The following LRRC4C variants were observed in gnomAD, a reference collection of about 807,000 sequenced individuals.
The protein encoded by LRRC4C is leucine-rich repeat-containing protein 4C.
In LRRC4C, 5 loss-of-function variants were observed where a neutral mutation model predicts 33.6. The observed-to-expected ratio is 0.15, with a 90% CI of 0.08 to 0.31. The LOEUF (loss-of-function observed/expected upper bound fraction) is 0.31. Ranked by LOEUF, LRRC4C falls within the 10% of genes least tolerant of loss-of-function variation. The pLI, the probability that LRRC4C is intolerant of heterozygous loss-of-function variation, is 1.00. For missense variants in LRRC4C, 560 were observed against 796.7 expected (o/e 0.70, Z 3.58); for synonymous variants, 329 against 302.0 (o/e 1.09, Z -0.93).
chr11:41,221,813 C>A (rs932443307), intron 1 of LRRC4C, among the ~76,000 whole-genome samples: 1 of 152,158 alleles, frequency 6.6e-6, no homozygotes, highest in African/African-American at 2.4e-5. Context: ...GGCATAGAGA[C>A]AAATTCCTAA....
intron 1 of LRRC4C, among the ~76,000 whole-genome samples, chr11:41,028,323 G>A (rs943458957): frequency 5.3e-4 from 81 of 151,668 alleles, no homozygotes; most frequent in Non-Finnish European, 1.8e-4. Flanking sequence ...GTCTTGAAAA[G>A]TTTGGTTTCA....
intron 1 of LRRC4C, among the ~76,000 whole-genome samples, chr11:41,419,564 G>A (rs1007414989): frequency 1.3e-5 from 2 of 151,888 alleles, no homozygotes; most frequent in Non-Finnish European, 2.9e-5. Flanking sequence ...ACAATGGTGA[G>A]AGAAACCCAG....
At chr11:40,312,528 G>T (rs1228495444) in intron 4 of LRRC4C, among the ~76,000 whole-genome samples, 1 of 151,952 alleles carries the variant, frequency 6.6e-6, no homozygotes, top group Non-Finnish European at 1.5e-5. Flanking sequence ...AAGTAGACTG[G>T]GTTAAGTAAA....
intron 2 of LRRC4C, among the ~76,000 whole-genome samples, chr11:40,662,158 C>T (rs1310463987): frequency 6.6e-6 from 1 of 152,174 alleles, no homozygotes; most frequent in Admixed American, 6.5e-5. Flanking sequence ...GCATAATGTC[C>T]TGCAAGGTCA....
intron 2 of LRRC4C, among the ~76,000 whole-genome samples, chr11:40,771,671 A>G (rs563124063): frequency 6.6e-6 from 1 of 152,242 alleles, no homozygotes; most frequent in Non-Finnish European, 1.5e-5. Context: ...ACCCAAAATT[A>G]TCTCTCTCAA....
At chr11:41,332,628 G>A (rs1951330841) in intron 1 of LRRC4C, among the ~76,000 whole-genome samples, 1 of 152,156 alleles carries the variant, frequency 6.6e-6, no homozygotes, top group Admixed American at 6.5e-5. Flanking sequence ...GTAGTAAAAA[G>A]TCTATTAATA....
At chr11:40,811,440 G>A (rs971154082) in intron 2 of LRRC4C, among the ~76,000 whole-genome samples, 2 of 152,070 alleles carry the variant, frequency 1.3e-5, no homozygotes, top group African/African-American at 4.8e-5. Flanking sequence ...TAAGAGCCTG[G>A]TACAGTGCAT....
intron 3 of LRRC4C, among the ~76,000 whole-genome samples, chr11:40,549,086 G>A (rs1957038404): frequency 6.6e-6 from 1 of 152,036 alleles, no homozygotes; most frequent in African/African-American, 2.4e-5. Context: ...ATGGCTAAAT[G>A]GCTAAAACAG....
chr11:40,115,092 C>T lies in LRRC4C; in HGVS notation c.1201G>A (p.Val401Met), dbSNP rs774766274. 1.9e-6 allele frequency: 3 copies of T among 1,614,242 alleles called. No individual in the cohort carries two copies. The highest frequency in any genetic ancestry group is 1.7e-6 in the Non-Finnish European group (2 of 1,180,050). The change falls in exon 7 of 7, where the codon GTG becomes ATG. Residue 401 changes from valine (V) to methionine (M), a missense_variant. Coordinates refer to ENST00000528697, the MANE Select transcript of LRRC4C (RefSeq NM_001258419.2). The surrounding 1 kb of genome is among the most constrained non-coding windows in gnomAD (Gnocchi z 6.7). ...GTVMTHGAYKVRIAVLSDGTL... is the reference protein window; with the variant it reads ...GTVMTHGAYKMRIAVLSDGTL... ...CCATCACTGAGCACAGCTATCCGCACTTTGTACGCCCCATGTGTCATGACT... is the reference window on the plus strand; with the variant it reads ...CCATCACTGAGCACAGCTATCCGCATTTTGTACGCCCCATGTGTCATGACT...
intron 1 of LRRC4C, among the ~76,000 whole-genome samples, chr11:41,154,892 G>A (rs563592535): frequency 6.6e-6 from 1 of 152,140 alleles, no homozygotes. Context: ...TAACTCACTA[G>A]AGTGGTACGA....
intron 6 of LRRC4C, among the ~76,000 whole-genome samples, chr11:40,119,363 T>G (rs921668753): frequency 3.3e-5 from 5 of 152,290 alleles, no homozygotes; most frequent in African/African-American, 1.2e-4. Context: ...AGTTACTATT[T>G]TTTTCCCCCA....
chr11:40,259,866 A>G (rs1201428001), intron 4 of LRRC4C, among the ~76,000 whole-genome samples: 1 of 152,080 alleles, frequency 6.6e-6, no homozygotes, highest in Admixed American at 6.6e-5. Context: ...ACCATCTCAC[A>G]CCAGTTAGAA....
At chr11:41,218,396 G>A (rs538473789) in intron 1 of LRRC4C, among the ~76,000 whole-genome samples, 2 of 152,288 alleles carry the variant, frequency 1.3e-5, no homozygotes, top group South Asian at 2.1e-4. Flanking sequence ...CTTTGATTCT[G>A]CCTTGCTGCC....
In LRRC4C at chr11:40,115,460, T is replaced by G; in HGVS notation, c.833A>C (p.Asn278Thr). Residue 278 changes from asparagine (N) to threonine (T), a missense_variant, in exon 7 of 7, where the codon AAT becomes ACT. Coordinates refer to ENST00000528697, the MANE Select transcript of LRRC4C (RefSeq NM_001258419.2). The surrounding 1 kb of genome is among the most constrained non-coding windows in gnomAD (Gnocchi z 6.7). ...GAGGTCATGAGGCAGTAATGTTAGA[T>G]TATTGTGTGCCAGGTTGATCTCCAC... The part of the protein sequence containing the change: ...SLVEINLAHN[N>T]LTLLPHDLFT... 6.2e-7 allele frequency: 1 copy of G among 1,614,146 alleles called. No individual in the cohort carries two copies. Among genetic ancestry groups the G allele is most frequent in the South Asian group, 1.1e-5 (1 of 91,084 alleles).
chr11:41,025,278 C>A (rs1856264368), intron 1 of LRRC4C, among the ~76,000 whole-genome samples: 1 of 151,540 alleles, frequency 6.6e-6, no homozygotes, highest in Admixed American at 6.6e-5. Context: ...ATGTTAAAAG[C>A]TAGGCCTCTT....
At chr11:40,762,069 C>T (rs1418832848) in intron 2 of LRRC4C, among the ~76,000 whole-genome samples, 1 of 152,108 alleles carries the variant, frequency 6.6e-6, no homozygotes, top group Non-Finnish European at 1.5e-5. Flanking sequence ...CATAGAAGGA[C>T]ATTTTCCAAG....
chr11:40,976,699 T>A (rs945824118), intron 1 of LRRC4C, among the ~76,000 whole-genome samples: 10 of 151,986 alleles, frequency 6.6e-5, no homozygotes, highest in Admixed American at 5.2e-4. Flanking sequence ...GGCAAAACAA[T>A]AGAAGAGAGA....
At chr11:40,857,557 C>T (rs981202095) in intron 2 of LRRC4C, among the ~76,000 whole-genome samples, 1 of 152,120 alleles carries the variant, frequency 6.6e-6, no homozygotes, top group Non-Finnish European at 1.5e-5. Context: ...ATTCAAAATG[C>T]AAATTTTATT....
intron 3 of LRRC4C, among the ~76,000 whole-genome samples, chr11:40,379,230 A>C (rs1948770797): frequency 6.6e-6 from 1 of 152,104 alleles, no homozygotes; most frequent in African/African-American, 2.4e-5. Context: ...AGCAGTATTT[A>C]CTCGGTCATT....
Sources: allele counts gnomAD v4.1 joint callset (sites outside exome capture counted in the v4.1 genomes callset), GRCh38; gene constraint gnomAD v4.1.1; non-coding constraint Gnocchi (gnomAD v3.1); transcripts MANE v1.5; gene names NCBI Gene and HGNC (gene_info 2026-07-23, HGNC 2026-07-21).